The following SLC12A8 variants were observed in gnomAD, a reference collection of about 807,000 sequenced individuals.
SLC12A8 encodes the protein solute carrier family 12 member 8.
Under a neutral mutation model 75.6 loss-of-function variants are expected in SLC12A8, and 69 were observed. That is an observed-to-expected ratio of 0.91 (90% CI 0.75 to 1.11). The LOEUF (loss-of-function observed/expected upper bound fraction) is 1.11. Among genes scored for constraint, SLC12A8 ranks in the 50% most tolerant of loss-of-function variants. SLC12A8 has a pLI of 0.00. For missense variants in SLC12A8, 877 were observed against 896.7 expected (o/e 0.98, Z 0.28); for synonymous variants, 365 against 372.8 (o/e 0.98, Z 0.24).
intron 5 of SLC12A8, among the ~76,000 whole-genome samples, chr3:125,166,904 A>G (rs1255964327): frequency 6.6e-6 from 1 of 152,184 alleles, no homozygotes; most frequent in Non-Finnish European, 1.5e-5. Flanking sequence ...GGCCAGCTAC[A>G]TATGGTAGAA....
chr3:125,175,810 A>C (rs577753303), intron 5 of SLC12A8, among the ~76,000 whole-genome samples: 1 of 151,744 alleles, frequency 6.6e-6, no homozygotes, highest in Non-Finnish European at 1.5e-5. Context: ...AATATTTAGC[A>C]AGCTGCAAAG....
intron 10 of SLC12A8, among the ~76,000 whole-genome samples, chr3:125,099,198 GC>G (rs1938797253): frequency 6.6e-6 from 1 of 152,160 alleles, no homozygotes; most frequent in Admixed American, 6.5e-5. Flanking sequence ...GACACAGGGG[GC>G]AACTCCTAGG....
intron 10 of SLC12A8, among the ~76,000 whole-genome samples, chr3:125,096,481 G>A (rs1169257995): frequency 2.0e-5 from 3 of 152,120 alleles, no homozygotes; most frequent in Admixed American, 6.5e-5. Flanking sequence ...TGGAATGTAC[G>A]AGGTATTCCA....
At chr3:125,168,536 A>T (rs1313474321) in intron 5 of SLC12A8, among the ~76,000 whole-genome samples, 1 of 152,208 alleles carries the variant, frequency 6.6e-6, no homozygotes, top group East Asian at 1.9e-4. Flanking sequence ...AAAAACAGTG[A>T]CGTGATAGCA....
rs771481014 is a variant in SLC12A8, at chr3:125,120,658, GC to G, written c.764del (p.Gly255AlafsTer46). 6.2e-7 allele frequency: 1 copy of G among 1,613,290 alleles called. No individual in the cohort carries two copies. The highest frequency in any genetic ancestry group is 8.5e-7 in the Non-Finnish European group (1 of 1,179,828). ...TGCTGGCGGCAGGCTCCCTGAGGTCGCCCCCCATGTTGAAGCCGGCCATGAC... is the reference window on the plus strand; with the variant it reads ...TGCTGGCGGCAGGCTCCCTGAGGTCGCCCCCATGTTGAAGCCGGCCATGAC... ...TGVMAGFNMGGDLREPAASIP... is the reference protein window; with the variant it reads ...TGVMAGFNMGXDLREPAASIP... On this transcript the variant is annotated frameshift_variant, in exon 7 of 14. Transcript: ENST00000469902. LOFTEE classifies it high-confidence loss of function.
rs1018668236 is a variant in SLC12A8 at position 125,107,334 on chromosome 3, C to A, written c.1705+147G>T. The A allele has an allele frequency of 3.9e-4, 283 of 731,788 alleles. 3 individuals are homozygous for A. The highest frequency in any genetic ancestry group is 1.3e-3 in the Admixed American group (53 of 39,724). 45.3% of individuals were successfully genotyped at this position (731,788 alleles called of 1,614,324 possible). On this transcript the variant is annotated intron_variant, in intron 10 of 13. Coordinates refer to ENST00000469902, the MANE Select transcript of SLC12A8 (RefSeq NM_024628.6). ...ATAATTACAAATAATTCAGCTGATA[C>A]CTGAATATAATGTTTTAAAACAAAT...
At chr3:125,100,809 C>T (rs186013101) in intron 10 of SLC12A8, among the ~76,000 whole-genome samples, 2,352 of 147,740 alleles carry the variant, frequency 0.016, 44 homozygotes, top group East Asian at 0.085. Flanking sequence ...GTCAGGAGAT[C>T]GAGACCATCC....
At chr3:125,161,518 C>G (rs997141305) in intron 5 of SLC12A8, among the ~76,000 whole-genome samples, 1 of 152,180 alleles carries the variant, frequency 6.6e-6, no homozygotes, top group Admixed American at 6.5e-5. Context: ...GCAGGAATAT[C>G]TGGCCAACAC....
intron 6 of SLC12A8, among the ~76,000 whole-genome samples, chr3:125,124,233 C>T (rs1482736592): frequency 6.6e-6 from 1 of 152,178 alleles, no homozygotes; most frequent in Non-Finnish European, 1.5e-5. Flanking sequence ...GCAGGCAACT[C>T]GGACTGCAGA....
intron 1 of SLC12A8, among the ~76,000 whole-genome samples, chr3:125,211,795 C>T (rs2078578032): frequency 6.6e-6 from 1 of 152,194 alleles, no homozygotes; most frequent in South Asian, 2.1e-4. Flanking sequence ...CTAGACCTGG[C>T]TGCAGGTGGT....
chr3:125,191,816 C>T (rs568818064), intron 2 of SLC12A8, among the ~76,000 whole-genome samples: 2 of 152,340 alleles, frequency 1.3e-5, no homozygotes, highest in South Asian at 2.1e-4. Context: ...TCAATTCAGC[C>T]ACATGGGACT....
intron 5 of SLC12A8, among the ~76,000 whole-genome samples, chr3:125,139,868 C>T (rs1228597194): frequency 6.6e-6 from 1 of 152,216 alleles, no homozygotes; most frequent in Non-Finnish European, 1.5e-5. Context: ...CTGATGAATA[C>T]CATGGTCCCT....
intron 5 of SLC12A8, among the ~76,000 whole-genome samples, chr3:125,140,230 C>T (rs1224943458): frequency 6.6e-6 from 1 of 152,254 alleles, no homozygotes. Context: ...TGACTGAACC[C>T]TTCCTACGTG....
At chr3:125,199,039 A>G (rs1480843852) in intron 2 of SLC12A8, among the ~76,000 whole-genome samples, 2 of 152,092 alleles carry the variant, frequency 1.3e-5, no homozygotes, top group Non-Finnish European at 2.9e-5. Flanking sequence ...TGGCCTCCCA[A>G]AGTGCTGGGA....
chr3:125,204,558 A>G (rs1935190203), intron 2 of SLC12A8, among the ~76,000 whole-genome samples: 1 of 152,124 alleles, frequency 6.6e-6, no homozygotes. Context: ...TAGTAGAATG[A>G]TGGTTATCAG....
intron 10 of SLC12A8, among the ~76,000 whole-genome samples, chr3:125,097,382 C>T (rs921758262): frequency 1.3e-5 from 2 of 148,904 alleles, no homozygotes; most frequent in Non-Finnish European, 3.0e-5. Context: ...GAGCAAGACT[C>T]TGTCTCAAAA....
intron 5 of SLC12A8, among the ~76,000 whole-genome samples, chr3:125,165,590 A>AG (rs1304470896): frequency 6.6e-6 from 1 of 152,182 alleles, no homozygotes; most frequent in African/African-American, 2.4e-5. Flanking sequence ...GCCCCATCCA[A>AG]GGGGGACCCA....
intron 8 of SLC12A8, among the ~76,000 whole-genome samples, chr3:125,111,814 A>G (rs1412220003): frequency 6.6e-6 from 1 of 152,218 alleles, no homozygotes; most frequent in Non-Finnish European, 1.5e-5. Flanking sequence ...TCTTTAAAAA[A>G]GAATATATTT....
chr3:125,170,971 C>G (rs1934396334), intron 5 of SLC12A8, among the ~76,000 whole-genome samples: 3 of 152,244 alleles, frequency 2.0e-5, no homozygotes, highest in Admixed American at 1.3e-4. Flanking sequence ...GCCGATCTCC[C>G]TCTGGGGAGT....
Sources: gnomAD v4.1 joint callset for allele counts (sites outside exome capture counted in the v4.1 genomes callset) on GRCh38, gnomAD v4.1.1 for gene constraint, MANE v1.5 for transcripts, NCBI Gene and HGNC (gene_info 2026-07-23, HGNC 2026-07-21) for gene names.